IQUB: variants seen among roughly 807,000 people sequenced by gnomAD.
The protein encoded by IQUB is IQ motif and ubiquitin-like domain-containing protein.
In IQUB, 86 loss-of-function variants were observed where a neutral mutation model predicts 86.4. The observed-to-expected ratio is 1.00, with a 90% CI of 0.84 to 1.19. The LOEUF is 1.19. Ranked by LOEUF, IQUB falls within the 50% of genes most tolerant of loss-of-function variation. IQUB has a pLI of 0.00. For synonymous variants in IQUB, 289 were observed against 304.5 expected (o/e 0.95, Z 0.53); for missense variants, 946 against 916.9 (o/e 1.03, Z -0.41).
intron 1 of IQUB, among the ~76,000 whole-genome samples, chr7:123,523,238 C>A (rs1051062486): frequency 1.2e-4 from 17 of 142,896 alleles, no homozygotes; most frequent in Non-Finnish European, 2.0e-4. Flanking sequence ...ATGGCTGGGT[C>A]AATGGTATTT....
chr7:123,482,520 CTTG>C (rs1318977600), intron 7 of IQUB, among the ~76,000 whole-genome samples: 1 of 151,850 alleles, frequency 6.6e-6, no homozygotes, highest in Non-Finnish European at 1.5e-5. Flanking sequence ...ATTCCAATTG[CTTG>C]TTAATTGAAG....
intron 7 of IQUB, among the ~76,000 whole-genome samples, chr7:123,494,564 T>C (rs965480626): frequency 6.6e-6 from 1 of 152,108 alleles, no homozygotes; most frequent in Admixed American, 6.5e-5. Context: ...CTCTTTTATA[T>C]AAGAAACTTC....
chr7:123,504,090 A>G (rs1796068790), intron 3 of IQUB, among the ~76,000 whole-genome samples: 1 of 152,104 alleles, frequency 6.6e-6, no homozygotes, highest in South Asian at 2.1e-4. Context: ...TAGCCATCCT[A>G]CCCCCCATAT....
chr7:123,482,719 TA>T (rs1424216297), intron 7 of IQUB, among the ~76,000 whole-genome samples: 1 of 152,082 alleles, frequency 6.6e-6, no homozygotes, highest in Non-Finnish European at 1.5e-5. Flanking sequence ...GAGGGATTTA[TA>T]AAAAACTGTA....
chr7:123,516,199 C>T lies in IQUB; in HGVS notation c.-4-3855G>A, dbSNP rs539795897. Among the ~76,000 whole-genome samples the T allele has an allele frequency of 4.0e-5, 6 of 151,538 alleles. No homozygotes were observed. The South Asian group carries it at 6.2e-4, about 16-fold the overall frequency. Reference sequence around the variant, plus strand: ...AACAATAACAATTTTTGAAAATCGACGAGGCAGGGAAAAAGAACTGATCCC... The same window carrying T: ...AACAATAACAATTTTTGAAAATCGATGAGGCAGGGAAAAAGAACTGATCCC... On this transcript the variant is annotated intron_variant, in intron 1 of 12. Coordinates refer to ENST00000324698, the MANE Select transcript of IQUB (RefSeq NM_178827.5).
In IQUB at chr7:123,512,028, T is replaced by C. The variant is rs146838818; in HGVS notation, c.313A>G (p.Asn105Asp). The C allele has an allele frequency of 1.5e-5, 24 of 1,613,574 alleles. No individual in the cohort carries two copies. In the African/African-American group the frequency reaches 3.1e-4, roughly 21 times the overall value. Residue 105 changes from asparagine (N) to aspartate (D), a missense_variant, in exon 2 of 13, where the codon AAT becomes GAT. Physicochemically the swap from Asn to Asp is conservative, Grantham distance 23. Transcript: ENST00000324698. ...TCCAGAAATGCCAAACTATCATCAT[T>C]TGGCCTCTGCATTGCATATTGCTTT... ...HEKQYAMQRP[N>D]DDSLAFLDKI... is the part of the protein sequence containing the mutation.
intron 1 of IQUB, among the ~76,000 whole-genome samples, chr7:123,533,235 T>C (rs571270890): frequency 2.2e-4 from 33 of 152,356 alleles, no homozygotes; most frequent in Non-Finnish European, 3.4e-4. Context: ...AAACATTTTA[T>C]ACATCTATCT....
intron 7 of IQUB, among the ~76,000 whole-genome samples, chr7:123,484,359 A>T (rs1028488257): frequency 6.6e-6 from 1 of 152,068 alleles, no homozygotes; most frequent in African/African-American, 2.4e-5. Context: ...TAAAATCTAT[A>T]TACCAAAAAG....
intron 12 of IQUB, among the ~76,000 whole-genome samples, chr7:123,455,641 AT>A (rs1793657773): frequency 6.6e-6 from 1 of 152,090 alleles, no homozygotes; most frequent in Non-Finnish European, 1.5e-5. Flanking sequence ...ACATTCACAA[AT>A]TTGTCCAATT....
chr7:123,477,499 C>T (rs1025938865), intron 8 of IQUB, among the ~76,000 whole-genome samples: 4 of 152,130 alleles, frequency 2.6e-5, no homozygotes, highest in Non-Finnish European at 5.9e-5. Flanking sequence ...TAGGAGAAAA[C>T]CTAGGCAATA....
chr7:123,505,609 A>C (rs530345257), intron 3 of IQUB, among the ~76,000 whole-genome samples: 1 of 152,324 alleles, frequency 6.6e-6, no homozygotes, highest in South Asian at 2.1e-4. Context: ...CCTTTTAGCC[A>C]GAGCAGGAGC....
intron 9 of IQUB, among the ~76,000 whole-genome samples, chr7:123,467,270 T>C (rs1415142294): frequency 6.6e-6 from 1 of 152,056 alleles, no homozygotes; most frequent in Non-Finnish European, 1.5e-5. Flanking sequence ...ACATATTCAT[T>C]GTAATGAATG....
At chr7:123,481,027 T>A (rs2117081922) in intron 7 of IQUB, among the ~76,000 whole-genome samples, 1 of 152,132 alleles carries the variant, frequency 6.6e-6, no homozygotes, top group East Asian at 1.9e-4. Flanking sequence ...TTCAAAAATG[T>A]CAACCTTATT....
In IQUB at chr7:123,452,573, A is replaced by ATACTT. The variant is rs1793471721; in HGVS notation, c.*165_*169dup. On this transcript the variant is annotated 3_prime_UTR_variant, in exon 13 of 13. Coordinates refer to ENST00000324698, the MANE Select transcript of IQUB (RefSeq NM_178827.5). Reference sequence around the variant, plus strand: ...TTTAGCACCAACTTCCTAACAAAGAATACTTACTTATATAGAAATGTTTTC... The same window carrying ATACTT: ...TTTAGCACCAACTTCCTAACAAAGAATACTTTACTTACTTATATAGAAATGTTTTC... 2 of 405,822 alleles carry ATACTT rather than the reference A, an allele frequency of 4.9e-6. No homozygotes were observed. The highest frequency in any genetic ancestry group is 1.2e-3 in the Middle Eastern group (2 of 1,640). The allele number at this position is 405,822 out of a possible 1,614,324, so 25.1% of individuals were successfully genotyped here.
chr7:123,507,763 C>T (rs1003046566), intron 3 of IQUB, among the ~76,000 whole-genome samples: 2 of 151,504 alleles, frequency 1.3e-5, no homozygotes, highest in African/African-American at 4.9e-5. Flanking sequence ...GTCCCAGCTG[C>T]TTGGGAGGCT....
intron 12 of IQUB, among the ~76,000 whole-genome samples, chr7:123,453,494 G>T (rs910119741): frequency 6.6e-6 from 1 of 150,994 alleles, no homozygotes; most frequent in Admixed American, 6.6e-5. Flanking sequence ...TTTGAGAGTG[G>T]GAAGACTCAC....
chr7:123,524,685 C>T (rs1001043831), intron 1 of IQUB, among the ~76,000 whole-genome samples: 13 of 151,076 alleles, frequency 8.6e-5, no homozygotes, highest in Non-Finnish European at 1.8e-4. Context: ...AATTGAATAG[C>T]CTTTATTTCC....
intron 1 of IQUB, among the ~76,000 whole-genome samples, chr7:123,524,603 G>A (rs1359357203): frequency 6.6e-6 from 1 of 150,660 alleles, no homozygotes; most frequent in East Asian, 1.9e-4. Flanking sequence ...AGTTTGGGCT[G>A]AGACAATGGG....
At chr7:123,486,389 C>T (rs1256930443) in intron 7 of IQUB, among the ~76,000 whole-genome samples, 2 of 152,102 alleles carry the variant, frequency 1.3e-5, no homozygotes, top group Non-Finnish European at 2.9e-5. Context: ...TTCTCAATAC[C>T]CTGGCACAGA....
Sources: allele counts gnomAD v4.1 joint callset (sites outside exome capture counted in the v4.1 genomes callset), GRCh38; gene constraint gnomAD v4.1.1; transcripts MANE v1.5; gene names NCBI Gene and HGNC (gene_info 2026-07-23, HGNC 2026-07-21).